VTI1A: variants seen among roughly 807,000 people sequenced by gnomAD.
VTI1A encodes vesicle transport through interaction with t-SNAREs homolog 1A.
VTI1A carries 22 observed loss-of-function variants against 34.9 expected under a neutral mutation model. The ratio of observed to expected loss-of-function variants is 0.63; its 90% confidence interval spans 0.45 to 0.90. VTI1A has a LOEUF of 0.90. Among genes scored for constraint, VTI1A ranks in the 40% least tolerant of loss-of-function variants. The probability of loss-of-function intolerance (pLI) is 0.00; values close to 1 mark genes in which losing one functional copy is unlikely to be tolerated. For synonymous variants in VTI1A, 87 were observed against 97.3 expected (o/e 0.89, Z 0.62); for missense variants, 268 against 275.6 (o/e 0.97, Z 0.20).
At chr10:112,505,649 T>A (rs779194863) in intron 3 of VTI1A, among the ~76,000 whole-genome samples, 9 of 152,238 alleles carry the variant, frequency 5.9e-5, no homozygotes, top group African/African-American at 2.2e-4. Context: ...TGGTGCTTAC[T>A]TCTTGCCTTC....
chr10:112,688,491 G>T (rs1848502768), intron 7 of VTI1A, among the ~76,000 whole-genome samples: 1 of 147,372 alleles, frequency 6.8e-6, no homozygotes, highest in African/African-American at 2.5e-5. Context: ...TGTTAACATT[G>T]CAGCTTGTAC....
intron 5 of VTI1A, among the ~76,000 whole-genome samples, chr10:112,594,199 G>T (rs752572934): frequency 2.6e-5 from 4 of 152,222 alleles, no homozygotes; most frequent in Non-Finnish European, 4.4e-5. Flanking sequence ...GAGCCACTGC[G>T]CCCGGCCGGT....
chr10:112,535,938 A>G (rs1007237544), intron 4 of VTI1A, among the ~76,000 whole-genome samples: 5 of 152,222 alleles, frequency 3.3e-5, no homozygotes, highest in African/African-American at 1.2e-4. Flanking sequence ...TGATAAACTG[A>G]TAGTCCTCTT....
chr10:112,506,012 A>G (rs1849416143), intron 3 of VTI1A, among the ~76,000 whole-genome samples: 1 of 152,182 alleles, frequency 6.6e-6, no homozygotes, highest in African/African-American at 2.4e-5. Flanking sequence ...AATAAAATTA[A>G]TAATAGGTAT....
intron 3 of VTI1A, among the ~76,000 whole-genome samples, chr10:112,493,910 G>A (rs1589827458): frequency 6.6e-6 from 1 of 152,242 alleles, no homozygotes; most frequent in South Asian, 2.1e-4. Context: ...CAGGGATACT[G>A]GTCTGGAGTT....
At chr10:112,653,599 G>A (rs1435209186) in intron 5 of VTI1A, among the ~76,000 whole-genome samples, 3 of 152,140 alleles carry the variant, frequency 2.0e-5, no homozygotes, top group African/African-American at 4.8e-5. Context: ...AATAATAATC[G>A]ACTTCATGTG....
intron 7 of VTI1A, among the ~76,000 whole-genome samples, chr10:112,770,309 T>C (rs1851770044): frequency 6.6e-6 from 1 of 152,210 alleles, no homozygotes; most frequent in Non-Finnish European, 1.5e-5. Flanking sequence ...ACTCATGTAG[T>C]CTGTATGCCA....
At chr10:112,843,229 T>C in the VTI1A span, among the ~76,000 whole-genome samples, 1 of 152,202 alleles carries the variant, frequency 6.6e-6, no homozygotes, top group South Asian at 2.1e-4. Flanking sequence ...TTCTGGGAAA[T>C]GCAGTTCCAG....
At chr10:112,618,697 T>C (rs1285250485) in intron 5 of VTI1A, among the ~76,000 whole-genome samples, 3 of 151,886 alleles carry the variant, frequency 2.0e-5, no homozygotes, top group Non-Finnish European at 1.5e-5. Context: ...AGAACATGCA[T>C]ACCATAGATA....
Position 112,531,063 on chromosome 10 carries a change from T to TCACACACACACACA in VTI1A, c.342+3927_342+3940dup, listed in dbSNP as rs10670312. Among the ~76,000 whole-genome samples, 867 of 139,882 alleles carry TCACACACACACACA rather than the reference T, an allele frequency of 6.2e-3. 5 individuals carry two copies. The highest frequency in any genetic ancestry group is 0.026 in the East Asian group (120 of 4,556). The allele number at this position is 139,882 out of a possible 152,430, so 91.8% of individuals were successfully genotyped here. ...TAGTTCTGGGGTCACGTGACACACC[T>TCACACACACACACA]CACACACACACACACACACACACAC... On this transcript the variant is annotated intron_variant, in intron 4 of 7. Coordinates refer to ENST00000393077, the MANE Select transcript of VTI1A (RefSeq NM_145206.4).
chr10:112,854,048 A>G, the VTI1A span, among the ~76,000 whole-genome samples: 2 of 151,980 alleles, frequency 1.3e-5, no homozygotes, highest in African/African-American at 4.8e-5. Flanking sequence ...GCATGAACCT[A>G]GAGCTGGAGG....
intron 7 of VTI1A, among the ~76,000 whole-genome samples, chr10:112,710,062 C>T (rs1849355881): frequency 6.7e-6 from 1 of 148,816 alleles, no homozygotes; most frequent in African/African-American, 2.5e-5. Flanking sequence ...GGGTTAACTC[C>T]TGGAGAACAA....
chr10:112,844,821 TGAG>T, the VTI1A span, among the ~76,000 whole-genome samples: 1 of 152,170 alleles, frequency 6.6e-6, no homozygotes, highest in Non-Finnish European at 1.5e-5. Context: ...TTTCGAGAAA[TGAG>T]AACATGCTGC....
At chr10:112,531,595 G>C (rs1311211461) in intron 4 of VTI1A, among the ~76,000 whole-genome samples, 1 of 152,014 alleles carries the variant, frequency 6.6e-6, no homozygotes, top group South Asian at 2.1e-4. Flanking sequence ...AAGATAGAAC[G>C]TTTTTTGTTT....
chr10:112,483,217 G>A (rs545745855), intron 3 of VTI1A, among the ~76,000 whole-genome samples: 37 of 152,150 alleles, frequency 2.4e-4, no homozygotes, highest in Non-Finnish European at 4.3e-4. Context: ...TCAAAGTACA[G>A]ACTGATGTTA....
chr10:112,842,050 CCTTTTTTTTTT>C, the VTI1A span, among the ~76,000 whole-genome samples: 1 of 93,166 alleles, frequency 1.1e-5, no homozygotes, highest in Non-Finnish European at 2.1e-5. Context: ...TTTTTTTTTT[CCTTTTTTTTTT>C]TTTTTTTTTT....
At chr10:112,679,945 C>T (rs1265402166) in intron 7 of VTI1A, among the ~76,000 whole-genome samples, 1 of 152,062 alleles carries the variant, frequency 6.6e-6, no homozygotes, top group African/African-American at 2.4e-5. Flanking sequence ...AATGTATGTG[C>T]ATATGTGTGT....
intron 7 of VTI1A, among the ~76,000 whole-genome samples, chr10:112,676,747 C>T (rs188610217): frequency 6.7e-4 from 102 of 152,270 alleles, no homozygotes; most frequent in African/African-American, 2.4e-3. Context: ...CAAAATCTTC[C>T]AGTTGCATGT....
chr10:112,836,823 C>G, the VTI1A span, among the ~76,000 whole-genome samples: 3 of 152,128 alleles, frequency 2.0e-5, no homozygotes, highest in African/African-American at 7.2e-5. Flanking sequence ...ATCTCCTGAG[C>G]TAAAGTAGAA....
Sources: gnomAD v4.1 joint callset for allele counts (sites outside exome capture counted in the v4.1 genomes callset) on GRCh38, gnomAD v4.1.1 for gene constraint, MANE v1.5 for transcripts, NCBI Gene and HGNC (gene_info 2026-07-23, HGNC 2026-07-21) for gene names.